Variants in ABI3BP observed in about 807,000 individuals in gnomAD.
The protein encoded by ABI3BP is target of Nesh-SH3.
Under a neutral mutation model 268.6 loss-of-function variants are expected in ABI3BP, and 216 were observed. The observed-to-expected ratio is 0.80, with a 90% confidence interval of 0.72 to 0.90. The LOEUF (loss-of-function observed/expected upper bound fraction) is 0.90. Ranked by LOEUF, ABI3BP falls within the 40% of genes least tolerant of loss-of-function variation. ABI3BP has a pLI of 0.00. For missense variants in ABI3BP, 2,090 were observed against 2,182.4 expected (o/e 0.96, Z 0.84); for synonymous variants, 730 against 730.0 (o/e 1.00, Z 0.00).
chr3:100,888,100 T>C (rs1208165222), intron 4 of ABI3BP, among the ~76,000 whole-genome samples: 1 of 152,066 alleles, frequency 6.6e-6, no homozygotes, highest in East Asian at 1.9e-4. Flanking sequence ...CACAAACCAC[T>C]GAAAGGCTTG....
chr3:100,851,935 A>G lies in ABI3BP; in HGVS notation c.1291T>C (p.Tyr431His). Residue 431 changes from tyrosine (Y) to histidine (H), a missense_variant, in exon 15 of 68, where the codon TAT becomes CAT. Physicochemically the swap from Tyr to His is moderately conservative, Grantham distance 83 (BLOSUM62 2). Coordinates refer to ENST00000471714, the MANE Select transcript of ABI3BP (RefSeq NM_001375547.2). ...GTTGTAGGGCTTGAGAAAACATCATAAGTTGCTTAAAAAAAAAAAAAAGGC... is the reference window on the plus strand; with the variant it reads ...GTTGTAGGGCTTGAGAAAACATCATGAGTTGCTTAAAAAAAAAAAAAAGGC... ...SKVLQPQTAT[Y>H]DVFSSPTTSD... 6.6e-7 allele frequency: 1 copy of G among 1,513,882 alleles called. No individual in the cohort carries two copies. Among genetic ancestry groups the G allele is most frequent in the Non-Finnish European group, 8.9e-7 (1 of 1,124,500 alleles). 93.8% of individuals were successfully genotyped at this position (1,513,882 alleles called of 1,614,324 possible). A position where few individuals can be genotyped will look rare whatever the true frequency, so the allele number is the denominator to read the frequency against.
At chr3:100,874,792 G>A in intron 9 of ABI3BP, 49 bp downstream of exon 9, 1 of 1,103,584 alleles carries the variant, frequency 9.1e-7, no homozygotes, top group South Asian at 1.4e-5. Context: ...GAATATCAGT[G>A]CTAGTACTCA....
At chr3:100,781,645 C>T (rs1419187526) in intron 57 of ABI3BP, among the ~76,000 whole-genome samples, 1 of 151,926 alleles carries the variant, frequency 6.6e-6, no homozygotes, top group Non-Finnish European at 1.5e-5. Flanking sequence ...CTTGGCTTGC[C>T]GAGGTTTGGT....
At chr3:100,906,839 G>T (rs2153529145) in intron 2 of ABI3BP, among the ~76,000 whole-genome samples, 1 of 152,222 alleles carries the variant, frequency 6.6e-6, no homozygotes, top group African/African-American at 2.4e-5. Context: ...CACATTTTGG[G>T]TCTGCTCCCA....
At chr3:100,952,499 A>G (rs968924399) in intron 1 of ABI3BP, 14 of 152,142 alleles carry the variant, frequency 9.2e-5, no homozygotes, top group African/African-American at 2.9e-4. Context: ...AAAATTAAAC[A>G]CTCTAATTGT....
chr3:100,917,269 T>C (rs1484486502), intron 2 of ABI3BP, among the ~76,000 whole-genome samples: 8 of 152,154 alleles, frequency 5.3e-5, no homozygotes, highest in Middle Eastern at 6.8e-3. Context: ...ACAAAAACAA[T>C]TGGGGAACAA....
chr3:100,840,845 T>C lies in ABI3BP; in HGVS notation c.1779A>G (p.Pro593=). ...PSQSTIGPET[P]GTKPSTTLAP... is the part of the protein sequence containing the mutation. Reference sequence around the variant, plus strand: ...CTAATGTTGTTGAAGGTTTGGTTCCTGGTGTTTCAGGTCCTAAGACAATGT... The same window carrying C: ...CTAATGTTGTTGAAGGTTTGGTTCCCGGTGTTTCAGGTCCTAAGACAATGT... The change falls in exon 22 of 68, where the codon CCA becomes CCG. Residue 593 remains proline, a synonymous_variant. Coordinates refer to ENST00000471714, the MANE Select transcript of ABI3BP (RefSeq NM_001375547.2). 1 of 1,535,388 alleles carries C rather than the reference T, an allele frequency of 6.5e-7. No homozygotes were observed. Among genetic ancestry groups the C allele is most frequent in the East Asian group, 2.4e-5 (1 of 40,826 alleles).
At chr3:100,958,695 C>A (rs1162290537) in intron 1 of ABI3BP, among the ~76,000 whole-genome samples, 9 of 152,238 alleles carry the variant, frequency 5.9e-5, no homozygotes, top group East Asian at 1.9e-4. Context: ...TGCAGGGAAA[C>A]CTGAAATCAA....
chr3:100,848,663 G>C, intron 18 of ABI3BP, 138 bp downstream of exon 18: 1 of 756,306 alleles, frequency 1.3e-6, no homozygotes, highest in African/African-American at 1.8e-5. Flanking sequence ...CTAGCCTCAA[G>C]TGATCCTCCT....
chr3:100,830,561 A>G lies in ABI3BP; in HGVS notation c.2458+17T>C. 1.3e-6 allele frequency: 2 copies of G among 1,532,912 alleles called. No homozygotes were observed. The highest frequency in any genetic ancestry group is 1.7e-6 in the Non-Finnish European group (2 of 1,144,608). The allele number at this position is 1,532,912 out of a possible 1,614,324, so 95.0% of individuals were successfully genotyped here. A position where few individuals can be genotyped will look rare whatever the true frequency, so the allele number is the denominator to read the frequency against. On this transcript the variant is annotated intron_variant, in intron 32 of 67. Transcript: ENST00000471714. ...GAGCAGGAGAGGCAGATGTTGATGG[A>G]CATAATGTGCCATTACCTGCTGTTG...
chr3:100,970,763 C>G (rs1426418475), intron 1 of ABI3BP, among the ~76,000 whole-genome samples: 1 of 152,160 alleles, frequency 6.6e-6, no homozygotes, highest in Non-Finnish European at 1.5e-5. Context: ...GTCTTTGCAG[C>G]ACCTGTTCTC....
intron 2 of ABI3BP, among the ~76,000 whole-genome samples, chr3:100,914,158 A>C (rs778563574): frequency 2.0e-5 from 3 of 152,216 alleles, no homozygotes; most frequent in Non-Finnish European, 4.4e-5. Flanking sequence ...CCTCAGAAAA[A>C]GTATGTTTTC....
chr3:100,974,452 A>G (rs1362926573), intron 1 of ABI3BP, among the ~76,000 whole-genome samples: 7 of 152,196 alleles, frequency 4.6e-5, no homozygotes, highest in South Asian at 2.1e-4. Context: ...ACATGCAACA[A>G]CATGGATATA....
intron 51 of ABI3BP, among the ~76,000 whole-genome samples, chr3:100,797,451 A>G (rs1269447546): frequency 6.6e-6 from 1 of 152,020 alleles, no homozygotes; most frequent in African/African-American, 2.4e-5. Context: ...CCTTTCATAC[A>G]CACCAGTGTC....
At chr3:100,928,291 A>G (rs2062492235) in intron 1 of ABI3BP, among the ~76,000 whole-genome samples, 1 of 152,086 alleles carries the variant, frequency 6.6e-6, no homozygotes, top group African/African-American at 2.4e-5. Flanking sequence ...TGACTATTGA[A>G]AAGACTGCAT....
intron 55 of ABI3BP, among the ~76,000 whole-genome samples, chr3:100,791,663 A>C (rs1184599156): frequency 6.6e-6 from 1 of 151,930 alleles, no homozygotes; most frequent in Non-Finnish European, 1.5e-5. Flanking sequence ...TTATAAATTA[A>C]CAGCAAATAA....
At chr3:100,767,959 C>T (rs1245728332) in intron 62 of ABI3BP, among the ~76,000 whole-genome samples, 1 of 151,920 alleles carries the variant, frequency 6.6e-6, no homozygotes, top group Admixed American at 6.5e-5. Flanking sequence ...AAAGCAACCA[C>T]CTTCAGAAAG....
At chr3:100,859,986 C>T (rs537660904) in intron 14 of ABI3BP, among the ~76,000 whole-genome samples, 6 of 152,312 alleles carry the variant, frequency 3.9e-5, no homozygotes, top group African/African-American at 7.2e-5. Flanking sequence ...GCAGGAGAAT[C>T]GCTTGAACCC....
At position 100,926,299 on chromosome 3, in the gene ABI3BP, T is replaced by A; in HGVS notation, c.259+3A>T. On this transcript the variant is annotated splice_donor_region_variant and intron_variant, in intron 2 of 67. Coordinates refer to ENST00000471714, the MANE Select transcript of ABI3BP (RefSeq NM_001375547.2). ...TTCCCAGCCCGATACCCAAACACCTTACCAACTATAGCTTCTGTGAATTTC... is the reference window on the plus strand; with the variant it reads ...TTCCCAGCCCGATACCCAAACACCTAACCAACTATAGCTTCTGTGAATTTC... The A allele has an allele frequency of 3.1e-6, 5 of 1,613,102 alleles. No individual in the cohort carries two copies. Among genetic ancestry groups the A allele is most frequent in the Non-Finnish European group, 4.2e-6 (5 of 1,179,348 alleles).
Sources: gnomAD v4.1 joint callset for allele counts (sites outside exome capture counted in the v4.1 genomes callset) on GRCh38, gnomAD v4.1.1 for gene constraint, MANE v1.5 for transcripts, NCBI Gene and HGNC (gene_info 2026-07-23, HGNC 2026-07-21) for gene names.